Variants in POLQ observed in about 807,000 individuals in gnomAD.
POLQ encodes the protein epididymis secretory sperm binding protein.
In POLQ, 233 loss-of-function variants were observed where a neutral mutation model predicts 259.2. The observed-to-expected ratio is 0.90, with a 90% CI of 0.81 to 1.00. The LOEUF is 1.00. POLQ is among the 50% of genes least tolerant of loss of function. POLQ has a pLI of 0.00. For synonymous variants in POLQ, 1,025 were observed against 1,048.8 expected (o/e 0.98, Z 0.44); for missense variants, 2,871 against 3,051.6 (o/e 0.94, Z 1.39).
chr3:121,545,681 C>G, intron 1 of POLQ, 34 bp downstream of exon 1: 1 of 1,523,288 alleles, frequency 6.6e-7, no homozygotes, highest in Non-Finnish European at 8.8e-7. Context: ...GGAGCTGCCC[C>G]CGTTGCCCGC....
At position 121,488,175 on chromosome 3, in the gene POLQ, C is replaced by T. The variant is rs2048030283; in HGVS notation, c.4756G>A (p.Val1586Ile). 2 of 1,613,530 alleles carry T rather than the reference C, an allele frequency of 1.2e-6. No individual in the cohort carries two copies. The highest frequency in any genetic ancestry group is 1.1e-5 in the South Asian group (1 of 91,054). Reference protein sequence around the residue: ...FPVQEKNHTVVSPRALELSDP... With the variant: ...FPVQEKNHTVISPRALELSDP... ...CTTAGTTCTAATGCTCTAGGAGATA[C>T]TACAGTATGATTCTTCTCTTGGACA... Residue 1586 changes from valine to isoleucine, a missense_variant, in exon 16 of 30, where the codon GTA becomes ATA. Around this residue, in one of 3 missense-constraint regions of POLQ, gnomAD observed 2,080 missense variants for 2,126.0 expected, o/e 0.98. Coordinates refer to ENST00000264233, the MANE Select transcript of POLQ (RefSeq NM_199420.4).
At chr3:121,531,873 T>C (rs1483957013) in intron 6 of POLQ, among the ~76,000 whole-genome samples, 1 of 152,228 alleles carries the variant, frequency 6.6e-6, no homozygotes, top group Admixed American at 6.5e-5. Flanking sequence ...ATACCAAGTA[T>C]GCAGAAACTA....
intron 15 of POLQ, among the ~76,000 whole-genome samples, chr3:121,491,346 C>CAAAAAAAAAAAAAA (rs3045625): frequency 5.3e-4 from 41 of 77,968 alleles, no homozygotes; most frequent in Non-Finnish European, 5.8e-4. Flanking sequence ...GAGACTGTCA[C>CAAAAAAAAAAAAAA]AAAAAAAAAA....
At chr3:121,459,486 A>T (rs996193649) in intron 25 of POLQ, among the ~76,000 whole-genome samples, 9 of 144,968 alleles carry the variant, frequency 6.2e-5, no homozygotes, top group African/African-American at 2.3e-4. Context: ...GGTTCACGCC[A>T]TTCTCCTGCC....
Position 121,488,594 on chromosome 3 carries a change from A to T in POLQ, c.4337T>A (p.Leu1446His). Residue 1446 changes from leucine (L) to histidine (H), a missense_variant, in exon 16 of 30, where the codon CTT (leucine) becomes CAT (histidine). Around this residue, in one of 3 missense-constraint regions of POLQ, gnomAD observed 2,080 missense variants for 2,126.0 expected, o/e 0.98. Transcript: ENST00000264233. ...AGTTTCTTGTGTTTGATAACCTTGA[A>T]GAAAACTATTTAATTGTGAATCAGT... The part of the protein sequence containing the change: ...SVTDSQLNSF[L>H]QGYQTQETVK... The T allele has an allele frequency of 2.5e-6, 4 of 1,608,200 alleles. No homozygotes were observed. Among genetic ancestry groups the T allele is most frequent in the Non-Finnish European group, 3.4e-6 (4 of 1,178,422 alleles).
In POLQ at chr3:121,488,391, G is replaced by T; in HGVS notation, c.4540C>A (p.Pro1514Thr). ...AAATGGTTTGATGTTACTTCTGAAG[G>T]AAGGGGTTCTTTCATTTGCATATCA... ...LPDMQMKEPL[P>T]SEVTSNHFSD... Residue 1514 changes from proline (P) to threonine (T), a missense_variant, in exon 16 of 30, where the codon CCT becomes ACT. By Grantham distance (38) the Pro-to-Thr change is conservative. Coordinates refer to ENST00000264233, the MANE Select transcript of POLQ (RefSeq NM_199420.4). 1.9e-6 allele frequency: 3 copies of T among 1,612,704 alleles called. No individual in the cohort carries two copies. Among genetic ancestry groups the T allele is most frequent in the Non-Finnish European group, 2.5e-6 (3 of 1,178,850 alleles).
intron 26 of POLQ, among the ~76,000 whole-genome samples, chr3:121,441,696 A>G (rs2047593709): frequency 6.6e-6 from 1 of 152,190 alleles, no homozygotes; most frequent in South Asian, 2.1e-4. Context: ...CTGCTATAAT[A>G]TTCACATACG....
At chr3:121,497,026 C>T in intron 13 of POLQ, 94 bp from the exon 14 acceptor site, 1 of 1,245,462 alleles carries the variant, frequency 8.0e-7, no homozygotes, top group South Asian at 1.3e-5. Flanking sequence ...GGAAAGGCAA[C>T]AGAGGGCTTA....
intron 24 of POLQ, among the ~76,000 whole-genome samples, chr3:121,460,776 G>A (rs2047785260): frequency 6.6e-6 from 1 of 151,994 alleles, no homozygotes; most frequent in African/African-American, 2.4e-5. Flanking sequence ...AAAATCAAGT[G>A]GTCAACAGGT....
Position 121,483,543 on chromosome 3 carries a change from C to T in POLQ, c.5813G>A (p.Ser1938Asn). Residue 1938 changes from serine (S) to asparagine (N), a missense_variant, in exon 18 of 30, where the codon AGC becomes AAC. Physicochemically the swap from Ser to Asn is conservative, Grantham distance 46. Transcript: ENST00000264233. The stretch of plus-strand genomic sequence containing the variant: ...CCACATCCTGTCTTTCAAAGTCAGG[C>T]TTGGATCTAAAGAAGGTGGAACCAA... ...ASLVPPSLDP[S>N]LTLKDRMWYL... 1 of 1,570,374 alleles carries T rather than the reference C, an allele frequency of 6.4e-7. No homozygotes were observed. Among genetic ancestry groups the T allele is most frequent in the Non-Finnish European group, 8.6e-7 (1 of 1,164,782 alleles).
intron 14 of POLQ, chr3:121,494,936 A>G: frequency 1.1e-6 from 1 of 945,878 alleles, no homozygotes; most frequent in East Asian, 2.6e-5. Flanking sequence ...TTCTGTATAT[A>G]AAAATAATTA....
Position 121,545,632 on chromosome 3 carries a change from T to C in POLQ, c.163+83A>G, listed in dbSNP as rs528863185. ...CCAATGGGGTATGCAACGAAGCAAG[T>C]CCCGTGGGGTGAGGACACCTCCCGA... On this transcript the variant is annotated intron_variant, in intron 1 of 29. Coordinates refer to ENST00000264233, the MANE Select transcript of POLQ (RefSeq NM_199420.4). 93 of 1,323,954 alleles carry C rather than the reference T, an allele frequency of 7.0e-5. No homozygotes were observed. The East Asian group carries it at 2.3e-3, about 33-fold the overall frequency. 82.0% of individuals were successfully genotyped at this position (1,323,954 alleles called of 1,614,324 possible).
At chr3:121,460,705 T>G (rs1350731923) in intron 24 of POLQ, among the ~76,000 whole-genome samples, 1 of 152,178 alleles carries the variant, frequency 6.6e-6, no homozygotes, top group Non-Finnish European at 1.5e-5. Context: ...TGTGCAAATG[T>G]TAAGTGGGCT....
At chr3:121,531,623 C>G (rs1465472260) in intron 6 of POLQ, among the ~76,000 whole-genome samples, 1 of 152,184 alleles carries the variant, frequency 6.6e-6, no homozygotes, top group Admixed American at 6.5e-5. Flanking sequence ...AAATAGATCA[C>G]TAGCTCCTGT....
intron 6 of POLQ, among the ~76,000 whole-genome samples, chr3:121,531,279 C>T (rs1350386548): frequency 6.6e-6 from 1 of 152,072 alleles, no homozygotes; most frequent in Non-Finnish European, 1.5e-5. Flanking sequence ...ATAATTTAGA[C>T]AAGTTGGCCA....
Position 121,487,935 on chromosome 3 carries a change from A to C in POLQ, c.4996T>G (p.Ser1666Ala), listed in dbSNP as rs754002342. Residue 1666 changes from serine to alanine, a missense_variant, in exon 16 of 30, where the codon TCC becomes GCC. By Grantham distance (99) the Ser-to-Ala change is moderately conservative. Transcript: ENST00000264233. ...TCTGTATTTTTTCTATTCAAACTGG[A>C]AAAGTTTATAGTCATTGATTTTAGC... is the stretch of plus-strand genomic sequence containing the variant. ...EKLKSMTINF[S>A]SLNRKNTELN... The C allele has an allele frequency of 6.2e-7, 1 of 1,602,646 alleles. No homozygotes were observed. The highest frequency in any genetic ancestry group is 8.5e-7 in the Non-Finnish European group (1 of 1,176,576).
intron 7 of POLQ, among the ~76,000 whole-genome samples, chr3:121,522,624 G>A (rs2048345656): frequency 6.6e-6 from 1 of 152,098 alleles, no homozygotes; most frequent in Admixed American, 6.5e-5. Flanking sequence ...GATCTTTTAA[G>A]AATACTGATG....
At position 121,473,355 on chromosome 3, in the gene POLQ, T is replaced by C. The variant is rs771659045; in HGVS notation, c.6538A>G (p.Ser2180Gly). Residue 2180 changes from serine (S) to glycine (G), a missense_variant, in exon 21 of 30, where the codon AGT becomes GGT. By Grantham distance (56) the Ser-to-Gly change is moderately conservative (BLOSUM62 0). Around this residue, in one of 3 missense-constraint regions of POLQ, gnomAD observed 2,080 missense variants for 2,126.0 expected, o/e 0.98. Transcript: ENST00000264233. ...GTGACTGCCCCAAAGAGCACCTTACTAGTGCTGAACTGTCTTCCCAGCCTT... is the reference window on the plus strand; with the variant it reads ...GTGACTGCCCCAAAGAGCACCTTACCAGTGCTGAACTGTCTTCCCAGCCTT... ...KLRLGRQFST[S>G]KDVLNKLKAL... 5.6e-6 allele frequency: 9 copies of C among 1,612,444 alleles called. No individual in the cohort carries two copies. Among genetic ancestry groups the C allele is most frequent in the Non-Finnish European group, 7.6e-6 (9 of 1,179,488 alleles).
At chr3:121,492,381 G>A (rs1445701869) in intron 15 of POLQ, among the ~76,000 whole-genome samples, 2 of 152,118 alleles carry the variant, frequency 1.3e-5, no homozygotes, top group African/African-American at 4.8e-5. Flanking sequence ...ACTGAGTCTA[G>A]CCCATTCAAT....
Sources: allele counts gnomAD v4.1 joint callset (sites outside exome capture counted in the v4.1 genomes callset), GRCh38; gene constraint gnomAD v4.1.1; regional missense constraint gnomAD v4.1.1; transcripts MANE v1.5; gene names NCBI Gene and HGNC (gene_info 2026-07-23, HGNC 2026-07-21).